Variants in CWC27 observed in about 807,000 individuals in gnomAD.
The protein encoded by CWC27 is spliceosome-associated protein CWC27 homolog.
CWC27 carries 47 observed loss-of-function variants against 63.6 expected under a neutral mutation model. The ratio of observed to expected loss-of-function variants is 0.74; its 90% CI spans 0.58 to 0.94. The LOEUF (loss-of-function observed/expected upper bound fraction) is 0.94. CWC27 is among the 40% of genes least tolerant of loss of function. The probability of loss-of-function intolerance (pLI) is 0.00; values close to 1 mark genes in which losing one functional copy is unlikely to be tolerated. For synonymous variants in CWC27, 175 were observed against 179.8 expected (o/e 0.97, Z 0.22); for missense variants, 495 against 554.3 (o/e 0.89, Z 1.07).
chr5:64,896,779 G>A (rs1747387090), intron 11 of CWC27, among the ~76,000 whole-genome samples: 1 of 151,888 alleles, frequency 6.6e-6, no homozygotes. Flanking sequence ...ATGAGAGATA[G>A]GAGAAATAAA....
At chr5:64,809,390 C>T (rs1015896424) in intron 10 of CWC27, among the ~76,000 whole-genome samples, 4 of 151,990 alleles carry the variant, frequency 2.6e-5, no homozygotes, top group African/African-American at 9.7e-5. Flanking sequence ...GTTTTTGAGA[C>T]GCAGTCTCGC....
At chr5:64,797,625 TAAAC>T (rs1427625725) in intron 7 of CWC27, among the ~76,000 whole-genome samples, 1 of 152,170 alleles carries the variant, frequency 6.6e-6, no homozygotes, top group Non-Finnish European at 1.5e-5. Context: ...TTTTGGAAGA[TAAAC>T]AAGAACCTTT....
chr5:64,938,605 G>A (rs1748409094), intron 11 of CWC27, among the ~76,000 whole-genome samples: 1 of 152,172 alleles, frequency 6.6e-6, no homozygotes, highest in Non-Finnish European at 1.5e-5. Flanking sequence ...TTCTCAAGGA[G>A]TATCTTTGTG....
At chr5:64,962,983 GTCTC>G (rs1390156197) in intron 11 of CWC27, among the ~76,000 whole-genome samples, 2 of 152,180 alleles carry the variant, frequency 1.3e-5, no homozygotes, top group Non-Finnish European at 2.9e-5. Flanking sequence ...GTGAGACAGA[GTCTC>G]TCTCTGTTGC....
chr5:64,807,109 A>C (rs965477217), intron 10 of CWC27, among the ~76,000 whole-genome samples: 10 of 152,200 alleles, frequency 6.6e-5, no homozygotes, highest in Non-Finnish European at 1.0e-4. Context: ...ATGAGTTTTC[A>C]TCAGGGTGTG....
At chr5:64,925,616 A>G (rs1346383296) in intron 11 of CWC27, among the ~76,000 whole-genome samples, 1 of 152,244 alleles carries the variant, frequency 6.6e-6, no homozygotes, top group Admixed American at 6.5e-5. Flanking sequence ...AGATAGAGGC[A>G]GCACGACTAG....
At chr5:64,821,329 A>G (rs986119534) in intron 10 of CWC27, among the ~76,000 whole-genome samples, 3 of 152,132 alleles carry the variant, frequency 2.0e-5, no homozygotes, top group Non-Finnish European at 4.4e-5. Flanking sequence ...ATGAGCCACC[A>G]TGCCCGGCCA....
At chr5:64,794,374 GTACA>G (rs1444979302) in intron 7 of CWC27, among the ~76,000 whole-genome samples, 1 of 152,060 alleles carries the variant, frequency 6.6e-6, no homozygotes, top group Non-Finnish European at 1.5e-5. Context: ...TGTAATAGGA[GTACA>G]TGTAAATTCT....
chr5:64,957,877 TTCTC>T (rs1237866028), intron 11 of CWC27, among the ~76,000 whole-genome samples: 7 of 152,178 alleles, frequency 4.6e-5, no homozygotes, highest in African/African-American at 1.7e-4. Flanking sequence ...CTGATCTAAG[TTCTC>T]TCTATCCCTT....
At position 64,893,745 on chromosome 5, in the gene CWC27, A is replaced by G. The variant is rs553505108; in HGVS notation, c.1042+8199A>G. The stretch of plus-strand genomic sequence containing the variant: ...TATTTTAGGTTTTTTAAAGAAGACT[A>G]TGGCCACGCCAGAATGTAAGTTTGT... On this transcript the variant is annotated intron_variant, in intron 11 of 13. Coordinates refer to ENST00000381070, the MANE Select transcript of CWC27 (RefSeq NM_005869.4). Among the ~76,000 whole-genome samples the G allele has an allele frequency of 1.1e-4, 16 of 152,348 alleles. No individual in the cohort carries two copies. The East Asian group carries it at 3.1e-3, about 29-fold the overall frequency.
intron 11 of CWC27, among the ~76,000 whole-genome samples, chr5:64,928,954 T>C (rs1001890791): frequency 6.6e-6 from 1 of 151,568 alleles, no homozygotes; most frequent in East Asian, 1.9e-4. Flanking sequence ...CTTTTCTCAG[T>C]AGGCTTTGTC....
chr5:64,785,430 C>A, intron 4 of CWC27, 51 bp from the exon 5 acceptor site: 1 of 850,116 alleles, frequency 1.2e-6, no homozygotes, highest in South Asian at 4.2e-5. Context: ...TCTCTTAATT[C>A]AAAGGATGAG....
chr5:64,791,394 C>T (rs577412572), intron 7 of CWC27, among the ~76,000 whole-genome samples: 3 of 152,018 alleles, frequency 2.0e-5, no homozygotes, highest in African/African-American at 7.2e-5. Flanking sequence ...AACTTATACT[C>T]CAAAAGCAAT....
At chr5:64,862,608 C>T (rs1207635548) in intron 10 of CWC27, among the ~76,000 whole-genome samples, 1 of 152,020 alleles carries the variant, frequency 6.6e-6, no homozygotes, top group African/African-American at 2.4e-5. Context: ...ATACCCAGCC[C>T]ATATTCAAAT....
At chr5:64,929,766 T>C (rs1342544076) in intron 11 of CWC27, among the ~76,000 whole-genome samples, 1 of 152,006 alleles carries the variant, frequency 6.6e-6, no homozygotes, top group East Asian at 1.9e-4. Flanking sequence ...ACATTACTGA[T>C]GGTATTGTAA....
rs564790327 is a variant in CWC27, at chr5:64,938,889, G to C, written c.1043-32814G>C. Among the ~76,000 whole-genome samples the C allele has an allele frequency of 2.0e-5, 3 of 152,206 alleles. No individual in the cohort carries two copies. The South Asian group carries it at 6.2e-4, about 32-fold the overall frequency. On this transcript the variant is annotated intron_variant, in intron 11 of 13. Coordinates refer to ENST00000381070, the MANE Select transcript of CWC27 (RefSeq NM_005869.4). ...ATCTCTGATATCCTTTCTTACGCTT[G>C]ATCGGTTCTGCTATTGATACTTGTG...
intron 10 of CWC27, among the ~76,000 whole-genome samples, chr5:64,812,323 C>G (rs1744901918): frequency 6.6e-6 from 1 of 152,102 alleles, no homozygotes; most frequent in South Asian, 2.1e-4. Context: ...TGCCTCTCTT[C>G]ATCTCACAGA....
At chr5:64,910,409 G>T (rs548460379) in intron 11 of CWC27, among the ~76,000 whole-genome samples, 19 of 152,332 alleles carry the variant, frequency 1.2e-4, no homozygotes, top group African/African-American at 4.6e-4. Flanking sequence ...AGAGGTCAGG[G>T]ACCCACTTAA....
At chr5:64,809,335 A>G (rs1050877270) in intron 10 of CWC27, among the ~76,000 whole-genome samples, 3 of 152,164 alleles carry the variant, frequency 2.0e-5, no homozygotes, top group African/African-American at 4.8e-5. Context: ...TTTGAAGTAC[A>G]TTAACTGTGG....
Sources: gnomAD v4.1 joint callset for allele counts (sites outside exome capture counted in the v4.1 genomes callset) on GRCh38, gnomAD v4.1.1 for gene constraint, MANE v1.5 for transcripts, NCBI Gene and HGNC (gene_info 2026-07-23, HGNC 2026-07-21) for gene names.